MACROD2: variants seen among roughly 807,000 people sequenced by gnomAD.
MACROD2 encodes mono-ADP ribosylhydrolase 2, also known as ADP-ribose glycohydrolase MACROD2.
MACROD2 carries 36 observed loss-of-function variants against 70.4 expected under a neutral mutation model. That is an observed-to-expected ratio of 0.51 (90% CI 0.39 to 0.68). The LOEUF (loss-of-function observed/expected upper bound fraction) is 0.68. Among genes scored for constraint, MACROD2 ranks in the 30% least tolerant of loss-of-function variants. MACROD2 has a pLI of 0.00. For synonymous variants in MACROD2, 172 were observed against 178.8 expected, an observed-to-expected ratio of 0.96 and a Z score of 0.30; for missense variants, 496 against 538.4, an observed-to-expected ratio of 0.92 and a Z score of 0.78.
rs1329173746 is a variant in MACROD2, at chr20:15,821,523, T to C, written c.646-41222T>C. On this transcript the variant is annotated intron_variant, in intron 8 of 17. Transcript: ENST00000684519. ...CGGATTTGGAAATGCTAACTTTTAGTTTTCTTATTGAAATAAATTGTATAT... is the reference window on the plus strand; with the variant it reads ...CGGATTTGGAAATGCTAACTTTTAGCTTTCTTATTGAAATAAATTGTATAT... Among the ~76,000 whole-genome samples the C allele has an allele frequency of 6.6e-5, 10 of 152,280 alleles. No homozygotes were observed. In the South Asian group the frequency reaches 1.9e-3, roughly 28 times the overall value.
chr20:15,117,717 T>C (rs1255838047), intron 5 of MACROD2, among the ~76,000 whole-genome samples: 1 of 152,204 alleles, frequency 6.6e-6, no homozygotes, highest in Non-Finnish European at 1.5e-5. Flanking sequence ...GATTGTTACA[T>C]GCACTCTCAT....
chr20:15,767,874 C>T (rs1161439942), intron 8 of MACROD2, among the ~76,000 whole-genome samples: 1 of 152,074 alleles, frequency 6.6e-6, no homozygotes, highest in Non-Finnish European at 1.5e-5. Context: ...CCACCGATTG[C>T]CAAAGACATT....
chr20:15,609,145 A>G (rs1050554618), intron 8 of MACROD2, among the ~76,000 whole-genome samples: 1 of 152,120 alleles, frequency 6.6e-6, no homozygotes, highest in Non-Finnish European at 1.5e-5. Flanking sequence ...TCTGGCTCCA[A>G]TGGCCCACCC....
chr20:14,326,357 G>A lies in MACROD2; in HGVS notation c.272-167122G>A, dbSNP rs1416977454. On this transcript the variant is annotated intron_variant, in intron 3 of 17. Coordinates refer to ENST00000684519, the MANE Select transcript of MACROD2 (RefSeq NM_001351661.2). This position sits in a 1 kb window ranked among gnomAD's most constrained non-coding sequence, Gnocchi z 5.5. Reference sequence around the variant, plus strand: ...TTAATATCTGGCTGTTTGGTCACTGGAGCTGGCCACTGTCCTTGGGCAGGA... The same window carrying A: ...TTAATATCTGGCTGTTTGGTCACTGAAGCTGGCCACTGTCCTTGGGCAGGA... The A allele has an allele frequency of 1.2e-6, 2 of 1,613,876 alleles. No individual in the cohort carries two copies. The highest frequency in any genetic ancestry group is 3.3e-5 in the Admixed American group (2 of 60,000).
chr20:14,036,120 T>C (rs1182383642), intron 2 of MACROD2, among the ~76,000 whole-genome samples: 5 of 150,112 alleles, frequency 3.3e-5, no homozygotes, highest in Non-Finnish European at 7.4e-5. Context: ...CCAGCCTGGG[T>C]GACAGAGCGA....
At chr20:14,219,242 T>C (rs1601362385) in intron 3 of MACROD2, among the ~76,000 whole-genome samples, 2 of 152,314 alleles carry the variant, frequency 1.3e-5, no homozygotes, top group East Asian at 3.9e-4. Context: ...ATTATTCTTT[T>C]TTCTTTGTCT....
At chr20:14,366,788 G>T (rs2083277174) in intron 3 of MACROD2, among the ~76,000 whole-genome samples, 1 of 151,980 alleles carries the variant, frequency 6.6e-6, no homozygotes. Flanking sequence ...TGTGTCTTTG[G>T]ATCTAAAATG....
At chr20:15,215,991 A>ATTCT (rs2076806939) in intron 5 of MACROD2, among the ~76,000 whole-genome samples, 1 of 152,124 alleles carries the variant, frequency 6.6e-6, no homozygotes, top group Non-Finnish European at 1.5e-5. Context: ...GAGTTCTAGA[A>ATTCT]AGAATGGAGA....
At chr20:14,708,954 G>A (rs902787983) in intron 5 of MACROD2, among the ~76,000 whole-genome samples, 1 of 152,058 alleles carries the variant, frequency 6.6e-6, no homozygotes, top group Non-Finnish European at 1.5e-5. Context: ...CTTATCTAGT[G>A]ATCATCTGCA....
chr20:14,855,144 CT>C (rs2073240568), intron 5 of MACROD2, among the ~76,000 whole-genome samples: 1 of 152,128 alleles, frequency 6.6e-6, no homozygotes, highest in South Asian at 2.1e-4. Context: ...CATTTTATAA[CT>C]CTCGATTGAT....
chr20:14,347,706 G>A (rs1474231589), intron 3 of MACROD2, among the ~76,000 whole-genome samples: 1 of 152,096 alleles, frequency 6.6e-6, no homozygotes, highest in East Asian at 1.9e-4. Flanking sequence ...GCAATTCCTT[G>A]GCTAAGAAAG....
Position 14,646,818 on chromosome 20 carries a change from G to T in MACROD2, c.302-38025G>T, listed in dbSNP as rs560788213. Among the ~76,000 whole-genome samples the T allele has an allele frequency of 1.7e-3, 259 of 152,100 alleles. 1 individual carries two copies. The highest frequency in any genetic ancestry group is 5.8e-3 in the African/African-American group (242 of 41,494). ...AGTAGTTACCTTCCTGTGTTTGAAGGTACTGTATAATTGTATTTCTTTACC... is the reference window on the plus strand; with the variant it reads ...AGTAGTTACCTTCCTGTGTTTGAAGTTACTGTATAATTGTATTTCTTTACC... On this transcript the variant is annotated intron_variant, in intron 4 of 17. Transcript: ENST00000684519.
chr20:15,673,116 G>C (rs567295699), intron 8 of MACROD2, among the ~76,000 whole-genome samples: 1 of 152,110 alleles, frequency 6.6e-6, no homozygotes, highest in South Asian at 2.1e-4. Context: ...TGTGTAAACA[G>C]ACTAATAGAG....
rs115147584 is a variant in MACROD2 at position 15,037,103 on chromosome 20, G to A, written c.419-192837G>A. Among the ~76,000 whole-genome samples, 1,242 of 152,140 alleles carry A rather than the reference G, an allele frequency of 8.2e-3. 18 individuals carry two copies. The highest frequency in any genetic ancestry group is 0.028 in the African/African-American group (1,158 of 41,506). The stretch of plus-strand genomic sequence containing the variant: ...GTGGTTTGAGTAGCTCCAGTAGCTC[G>A]ATGGGTTAGTGTGCAGTGGTACTTA... On this transcript the variant is annotated intron_variant, in intron 5 of 17. Coordinates refer to ENST00000684519, the MANE Select transcript of MACROD2 (RefSeq NM_001351661.2).
intron 6 of MACROD2, among the ~76,000 whole-genome samples, chr20:15,279,134 G>T (rs542318134): frequency 5.9e-5 from 9 of 152,284 alleles, no homozygotes; most frequent in African/African-American, 2.2e-4. Context: ...AGTTATGAGC[G>T]ACTTTAAAAT....
intron 5 of MACROD2, among the ~76,000 whole-genome samples, chr20:14,839,783 G>C (rs1234213824): frequency 6.6e-6 from 1 of 152,056 alleles, no homozygotes; most frequent in African/African-American, 2.4e-5. Flanking sequence ...CACCAACACT[G>C]CTGAATTCCG....
At position 14,073,665 on chromosome 20, in the gene MACROD2, C is replaced by T. The variant is rs147546881; in HGVS notation, c.164-11956C>T. ...ACCGTGATAGGTAAGCTATACAGGA[C>T]ACCCACTAATTTCTTGGAGTGAGCT... is the stretch of plus-strand genomic sequence containing the variant. On this transcript the variant is annotated intron_variant, in intron 2 of 17. Transcript: ENST00000684519. 3.0e-4 allele frequency among the ~76,000 whole-genome samples: 46 copies of T among 152,244 alleles called. No individual in the cohort carries two copies. In the East Asian group the frequency reaches 8.7e-3, roughly 29 times the overall value.
chr20:15,541,380 G>C (rs1382421104), intron 8 of MACROD2, among the ~76,000 whole-genome samples: 1 of 152,120 alleles, frequency 6.6e-6, no homozygotes, highest in East Asian at 1.9e-4. Flanking sequence ...TTAAAAATCA[G>C]AAGGAAAGGG....
chr20:14,965,063 C>G (rs543183557), intron 5 of MACROD2, among the ~76,000 whole-genome samples: 2 of 152,274 alleles, frequency 1.3e-5, no homozygotes, highest in South Asian at 4.1e-4. Flanking sequence ...AAAGGTTAAG[C>G]TGTTTTTGAT....
Sources: gnomAD v4.1 joint callset for allele counts (sites outside exome capture counted in the v4.1 genomes callset) on GRCh38, gnomAD v4.1.1 for gene constraint, Gnocchi (gnomAD v3.1) non-coding constraint, MANE v1.5 for transcripts, NCBI Gene and HGNC (gene_info 2026-07-23, HGNC 2026-07-21) for gene names.